The following VPS13B variants were observed in gnomAD, a reference collection of about 807,000 sequenced individuals.
VPS13B encodes intermembrane lipid transfer protein VPS13B.
VPS13B carries 285 observed loss-of-function variants against 426.4 expected under a neutral mutation model. The ratio of observed to expected loss-of-function variants is 0.67; its 90% CI spans 0.61 to 0.74. The LOEUF is 0.74. Ranked by LOEUF, VPS13B falls within the 30% of genes least tolerant of loss-of-function variation. VPS13B has a pLI of 0.00. For missense variants in VPS13B, 4,537 were observed against 4,782.6 expected (o/e 0.95, Z 1.51); for synonymous variants, 1,676 against 1,676.4 (o/e 1.00, Z 0.01).
At chr8:99,255,810 A>G (rs891821985) in intron 17 of VPS13B, among the ~76,000 whole-genome samples, 2 of 152,068 alleles carry the variant, frequency 1.3e-5, no homozygotes, top group African/African-American at 2.4e-5. Context: ...TTGACTCTCC[A>G]CTAGGTCTCT....
chr8:99,280,094 T>G (rs1563644322), intron 19 of VPS13B, among the ~76,000 whole-genome samples: 1 of 152,140 alleles, frequency 6.6e-6, no homozygotes, highest in Admixed American at 6.5e-5. Flanking sequence ...TGAGCCAGTG[T>G]TAAGAGTTCT....
chr8:99,277,800 C>T (rs1020216803), intron 19 of VPS13B, among the ~76,000 whole-genome samples: 2 of 152,122 alleles, frequency 1.3e-5, no homozygotes, highest in Non-Finnish European at 2.9e-5. Flanking sequence ...TTGGGCAGGA[C>T]GTTTTGTCTC....
At chr8:99,374,332 GATATT>G (rs1813356309) in intron 19 of VPS13B, among the ~76,000 whole-genome samples, 1 of 151,344 alleles carries the variant, frequency 6.6e-6, no homozygotes, top group Admixed American at 6.6e-5. Flanking sequence ...TTTCACCTCT[GATATT>G]ATATTTTTAA....
intron 25 of VPS13B, among the ~76,000 whole-genome samples, chr8:99,500,066 T>C (rs768128284): frequency 5.9e-5 from 9 of 152,154 alleles, no homozygotes; most frequent in Non-Finnish European, 1.3e-4. Context: ...TGGTTTGTTT[T>C]GTACAGGATT....
chr8:99,180,626 A>G (rs1183257403), intron 16 of VPS13B, among the ~76,000 whole-genome samples: 1 of 152,178 alleles, frequency 6.6e-6, no homozygotes, highest in Non-Finnish European at 1.5e-5. Flanking sequence ...TGACCAGTCA[A>G]TGGCAGCCAT....
intron 33 of VPS13B, among the ~76,000 whole-genome samples, chr8:99,609,826 G>A (rs1440256026): frequency 6.6e-6 from 1 of 152,210 alleles, no homozygotes; most frequent in Non-Finnish European, 1.5e-5. Flanking sequence ...GCAAGAAATA[G>A]CTGTTTTCAT....
intron 33 of VPS13B, among the ~76,000 whole-genome samples, chr8:99,622,534 G>A (rs763885925): frequency 8.0e-4 from 122 of 152,164 alleles, no homozygotes; most frequent in Non-Finnish European, 1.4e-3. Flanking sequence ...TATGAGATAT[G>A]CAACACAATT....
rs1818776482 is a variant in VPS13B, at chr8:99,274,309, T to C, written c.2627T>C (p.Ile876Thr). The C allele has an allele frequency of 6.2e-7, 1 of 1,614,012 alleles. No homozygotes were observed. Among genetic ancestry groups the C allele is most frequent in the African/African-American group, 1.3e-5 (1 of 74,922 alleles). ...TGTGCCTCTGGGACCATGGGATCAA[T>C]AAAAATTTGTGCCAAAGCCCCAGGT... is the stretch of plus-strand genomic sequence containing the variant. ...VKCASGTMGS[I>T]KICAKAPVDS... The change falls in exon 18 of 62, where the codon ATA becomes ACA. Residue 876 changes from isoleucine (I) to threonine (T), a missense_variant. Around this residue, in one of 2 missense-constraint regions of VPS13B, gnomAD observed 4,311 missense variants for 4,474.3 expected, o/e 0.96. Transcript: ENST00000357162.
At chr8:99,116,503 G>A (rs1201459700) in intron 7 of VPS13B, among the ~76,000 whole-genome samples, 2 of 152,092 alleles carry the variant, frequency 1.3e-5, no homozygotes, top group Non-Finnish European at 2.9e-5. Flanking sequence ...GCATGATCAT[G>A]GGTCACTGCA....
At chr8:99,811,340 A>G (rs763420067) in intron 44 of VPS13B, among the ~76,000 whole-genome samples, 5 of 152,152 alleles carry the variant, frequency 3.3e-5, no homozygotes, top group Non-Finnish European at 5.9e-5. Flanking sequence ...TCTCCTCTAC[A>G]TTATAGCCCT....
intron 3 of VPS13B, among the ~76,000 whole-genome samples, chr8:99,042,732 C>T (rs1367581259): frequency 6.6e-6 from 1 of 152,118 alleles, no homozygotes; most frequent in Non-Finnish European, 1.5e-5. Context: ...AGTGACCCTC[C>T]TGCCTTGGCC....
In VPS13B at chr8:99,641,695, A is replaced by G. The variant is rs1420831276; in HGVS notation, c.5221-116A>G. The G allele has an allele frequency of 1.3e-5, 13 of 1,005,476 alleles. No individual in the cohort carries two copies. The East Asian group carries it at 2.9e-4, about 23-fold the overall frequency. 62.3% of individuals were successfully genotyped at this position (1,005,476 alleles called of 1,614,324 possible). A position where few individuals can be genotyped will look rare whatever the true frequency, so the allele number is the denominator to read the frequency against. On this transcript the variant is annotated intron_variant, in intron 33 of 61. Transcript: ENST00000357162. ...TTCTATTTTTCTGATTACTGTTTTA[A>G]GTTATACTAGACTCATTTTTAAAAT...
chr8:99,367,129 A>G (rs1410025030), intron 19 of VPS13B, among the ~76,000 whole-genome samples: 2 of 152,150 alleles, frequency 1.3e-5, no homozygotes, highest in Non-Finnish European at 2.9e-5. Context: ...TTATTGCTTA[A>G]TGTCCTTTTC....
intron 17 of VPS13B, chr8:99,241,177 T>C (rs1186521301): frequency 6.6e-6 from 1 of 152,236 alleles, no homozygotes; most frequent in Non-Finnish European, 1.5e-5. Flanking sequence ...GTGTCAAAGT[T>C]ATGAAGTGGT....
Position 99,507,989 on chromosome 8 carries a change from T to A in VPS13B, c.4224+786T>A, listed in dbSNP as rs900813467. 5.3e-5 allele frequency: 85 copies of A among 1,597,064 alleles called. No homozygotes were observed. The South Asian group carries it at 8.8e-4, about 17-fold the overall frequency. On this transcript the variant is annotated intron_variant, in intron 28 of 61. Coordinates refer to ENST00000357162, the MANE Select transcript of VPS13B (RefSeq NM_152564.5). ...AGAAGGAATTGAATGATTCATAGAGTCAACTCTTGATTTGTGTTTTCCTCC... is the reference window on the plus strand; with the variant it reads ...AGAAGGAATTGAATGATTCATAGAGACAACTCTTGATTTGTGTTTTCCTCC...
At chr8:99,459,510 C>G in intron 23 of VPS13B, among the ~76,000 whole-genome samples, 1 of 152,178 alleles carries the variant, frequency 6.6e-6, no homozygotes. Flanking sequence ...GCCTACTCTA[C>G]ATTTAGGCTA....
At chr8:99,534,325 A>G (rs1311405991) in intron 30 of VPS13B, among the ~76,000 whole-genome samples, 2 of 152,214 alleles carry the variant, frequency 1.3e-5, no homozygotes, top group East Asian at 3.8e-4. Flanking sequence ...AAATGACGAT[A>G]AGTTCTACCA....
At chr8:99,284,031 A>G (rs1218588252) in intron 19 of VPS13B, among the ~76,000 whole-genome samples, 1 of 152,160 alleles carries the variant, frequency 6.6e-6, no homozygotes, top group East Asian at 1.9e-4. Context: ...TATGCATTTT[A>G]ATTTTTTTCC....
intron 8 of VPS13B, among the ~76,000 whole-genome samples, chr8:99,128,847 T>A (rs936627793): frequency 6.6e-6 from 1 of 152,076 alleles, no homozygotes; most frequent in African/African-American, 2.4e-5. Context: ...AGTTATAAAA[T>A]ACTTTAAGAT....
Sources: allele counts gnomAD v4.1 joint callset (sites outside exome capture counted in the v4.1 genomes callset), GRCh38; gene constraint gnomAD v4.1.1; regional missense constraint gnomAD v4.1.1; transcripts MANE v1.5; gene names NCBI Gene and HGNC (gene_info 2026-07-23, HGNC 2026-07-21).